Variants in CLVS1 observed in about 807,000 individuals in gnomAD.
CLVS1 encodes the protein clavesin-1.
In CLVS1, 10 loss-of-function variants were observed where a neutral mutation model predicts 33.1. The ratio of observed to expected loss-of-function variants is 0.30; its 90% CI spans 0.19 to 0.51. The LOEUF is 0.51. Ranked by LOEUF, CLVS1 falls within the 20% of genes least tolerant of loss-of-function variation. CLVS1 has a pLI of 0.97. For synonymous variants in CLVS1, 163 were observed against 166.1 expected, an observed-to-expected ratio of 0.98 and a Z score of 0.14; for missense variants, 343 against 433.4, an observed-to-expected ratio of 0.79 and a Z score of 1.85.
At chr8:60,979,140 T>C in the CLVS1 span, among the ~76,000 whole-genome samples, 1 of 152,138 alleles carries the variant, frequency 6.6e-6, no homozygotes, top group East Asian at 1.9e-4. Flanking sequence ...TAGGACTGGG[T>C]TCTAGTTGCC....
chr8:61,490,450 C>T (rs560728063), intron 5 of CLVS1, among the ~76,000 whole-genome samples: 125 of 151,822 alleles, frequency 8.2e-4, no homozygotes, highest in African/African-American at 2.7e-3. Flanking sequence ...CTGTGCATCA[C>T]CAGGTCAAGA....
intron 3 of CLVS1, among the ~76,000 whole-genome samples, chr8:61,393,152 G>A (rs937301878): frequency 4.6e-5 from 7 of 152,080 alleles, no homozygotes; most frequent in African/African-American, 7.2e-5. Flanking sequence ...AAAGTGCTGG[G>A]ATTACAGGCA....
chr8:61,429,223 C>G (rs920573574), intron 3 of CLVS1, among the ~76,000 whole-genome samples: 5 of 151,858 alleles, frequency 3.3e-5, no homozygotes, highest in African/African-American at 1.2e-4. Flanking sequence ...AGTTCAAGAC[C>G]AGCCTGGCCA....
intron 3 of CLVS1, among the ~76,000 whole-genome samples, chr8:61,425,775 T>C (rs1287188901): frequency 1.3e-5 from 2 of 152,224 alleles, no homozygotes; most frequent in African/African-American, 4.8e-5. Context: ...AAATATTGAC[T>C]GAATAGTGTC....
At chr8:61,271,075 CT>C (rs1253928947) in intron 2 of CLVS1, among the ~76,000 whole-genome samples, 1 of 139,838 alleles carries the variant, frequency 7.2e-6, no homozygotes, top group Non-Finnish European at 1.6e-5. Flanking sequence ...TGTGTTTGCT[CT>C]TGCTTTTCTA....
chr8:61,161,040 A>G (rs928693061), intron 2 of CLVS1, among the ~76,000 whole-genome samples: 7 of 152,238 alleles, frequency 4.6e-5, no homozygotes, highest in Non-Finnish European at 7.3e-5. Flanking sequence ...CATTTCTCCA[A>G]AGAAAATAAA....
chr8:61,452,800 T>C (rs1172001746), intron 3 of CLVS1, among the ~76,000 whole-genome samples: 1 of 152,236 alleles, frequency 6.6e-6, no homozygotes, highest in Non-Finnish European at 1.5e-5. Context: ...TTAGCACCTT[T>C]CTACTCTAAA....
At chr8:61,381,795 A>G (rs1236801688) in intron 3 of CLVS1, among the ~76,000 whole-genome samples, 2 of 152,144 alleles carry the variant, frequency 1.3e-5, no homozygotes, top group Admixed American at 1.3e-4. Flanking sequence ...GCTGCATACT[A>G]TTCCATAGTG....
the CLVS1 span, among the ~76,000 whole-genome samples, chr8:61,043,656 T>C: frequency 6.6e-6 from 1 of 152,192 alleles, no homozygotes. Context: ...TACACAGTAA[T>C]GATCTAGTCC....
the CLVS1 span, among the ~76,000 whole-genome samples, chr8:61,038,570 A>C: frequency 3.3e-5 from 5 of 151,960 alleles, no homozygotes; most frequent in African/African-American, 9.7e-5. Context: ...TATATTGTGG[A>C]ATGGATTGCT....
intron 1 of CLVS1, chr8:61,292,197 T>C (rs1035710085): frequency 8.7e-5 from 31 of 355,070 alleles, no homozygotes; most frequent in Non-Finnish European, 1.5e-4. Flanking sequence ...CAAAAACCAC[T>C]CCATGTTCTG....
intron 1 of CLVS1, among the ~76,000 whole-genome samples, chr8:61,129,405 C>T (rs1806042629): frequency 6.6e-6 from 1 of 152,138 alleles, no homozygotes; most frequent in Non-Finnish European, 1.5e-5. Flanking sequence ...GGTCAGGCTT[C>T]CCCATGGGCT....
chr8:61,203,063 C>A, intron 2 of CLVS1: 1 of 1,307,066 alleles, frequency 7.7e-7, no homozygotes, highest in Non-Finnish European at 1.1e-6. Context: ...ACCAAAAGGA[C>A]CTAGTTCTGT....
intron 2 of CLVS1, among the ~76,000 whole-genome samples, chr8:61,359,058 T>A (rs1812863327): frequency 6.6e-6 from 1 of 152,196 alleles, no homozygotes; most frequent in Admixed American, 6.5e-5. Context: ...GAAATTATCT[T>A]GTTGATACAA....
chr8:61,199,396 C>A (rs1416620728), intron 2 of CLVS1, among the ~76,000 whole-genome samples: 4 of 151,922 alleles, frequency 2.6e-5, no homozygotes, highest in Non-Finnish European at 4.4e-5. Context: ...ATAAGGAACT[C>A]AAACAAATTA....
At position 61,288,288 on chromosome 8, in the gene CLVS1, G is replaced by A. The variant is rs866727154; in HGVS notation, c.-152+150G>A. The A allele has an allele frequency of 2.0e-5, 9 of 455,470 alleles. 1 individual carries two copies. In the Middle Eastern group the frequency reaches 2.6e-3, roughly 131 times the overall value. The allele number at this position is 455,470 out of a possible 1,614,324, so 28.2% of individuals were successfully genotyped here. On this transcript the variant is annotated intron_variant, in intron 1 of 5. Transcript: ENST00000325897. ...CTCTGCACTCCATCCCTCCCGCACC[G>A]CACCCCGCTCCCCGCCGCCTCCGCG...
chr8:61,475,112 C>T (rs1011544288), intron 5 of CLVS1, among the ~76,000 whole-genome samples: 1 of 152,206 alleles, frequency 6.6e-6, no homozygotes, highest in East Asian at 1.9e-4. Context: ...CATGTCCCTA[C>T]AAAGGACATG....
intron 1 of CLVS1, among the ~76,000 whole-genome samples, chr8:61,113,397 TG>T (rs1460539912): frequency 6.6e-6 from 1 of 152,090 alleles, no homozygotes; most frequent in African/African-American, 2.4e-5. Flanking sequence ...TCCAACCACA[TG>T]GGGAGCAAAA....
chr8:61,481,101 GTGT>G (rs1333067623), intron 5 of CLVS1, among the ~76,000 whole-genome samples: 4 of 152,144 alleles, frequency 2.6e-5, no homozygotes, highest in African/African-American at 9.7e-5. Flanking sequence ...GGGGACATAG[GTGT>G]TGTTGACCTG....
Sources: allele counts gnomAD v4.1 joint callset (sites outside exome capture counted in the v4.1 genomes callset), GRCh38; gene constraint gnomAD v4.1.1; transcripts MANE v1.5; gene names NCBI Gene and HGNC (gene_info 2026-07-23, HGNC 2026-07-21).